The following ETV1 variants were observed in gnomAD, a reference collection of about 807,000 sequenced individuals.
ETV1 encodes the protein ETS variant transcription factor 1.
ETV1 carries 27 observed loss-of-function variants against 62.3 expected under a neutral mutation model. That is an observed-to-expected ratio of 0.43 (90% CI 0.32 to 0.60). The LOEUF is 0.60. Among genes scored for constraint, ETV1 ranks in the 20% least tolerant of loss-of-function variants. The pLI is 0.06. For missense variants in ETV1, 605 were observed against 605.8 expected, an observed-to-expected ratio of 1.00 and a Z score of 0.01; for synonymous variants, 222 against 199.6, an observed-to-expected ratio of 1.11 and a Z score of -0.94.
chr7:13,891,967 C>T lies in ETV1; in HGVS notation c.*3899G>A. On this transcript the variant is annotated 3_prime_UTR_variant, in exon 14 of 14. Coordinates refer to ENST00000430479, the MANE Select transcript of ETV1 (RefSeq NM_004956.5). ...CTCATTACAAGCTCTGAAAAGGCTGCATGATAGACAAAGTGGCTCATTTTA... is the reference window on the plus strand; with the variant it reads ...CTCATTACAAGCTCTGAAAAGGCTGTATGATAGACAAAGTGGCTCATTTTA... 4.3e-6 allele frequency: 1 copy of T among 231,666 alleles called. No individual in the cohort carries two copies. 14.4% of individuals were successfully genotyped at this position (231,666 alleles called of 1,614,324 possible). A position where few individuals can be genotyped will look rare whatever the true frequency, so the allele number is the denominator to read the frequency against.
chr7:13,988,384 T>C, intron 3 of ETV1: 3 of 577,986 alleles, frequency 5.2e-6, no homozygotes, highest in Non-Finnish European at 9.0e-6. Flanking sequence ...GCAGGGAGAG[T>C]TGCTTCCCAG....
intron 6 of ETV1, among the ~76,000 whole-genome samples, chr7:13,942,993 T>C (rs1439738701): frequency 6.6e-6 from 1 of 151,932 alleles, no homozygotes; most frequent in African/African-American, 2.4e-5. Context: ...TAGGCTTCAA[T>C]GAAATTAAGA....
intron 8 of ETV1, among the ~76,000 whole-genome samples, chr7:13,933,071 T>C (rs1384345878): frequency 1.3e-5 from 2 of 152,128 alleles, no homozygotes; most frequent in East Asian, 3.9e-4. Flanking sequence ...CTTATTTCAT[T>C]AGCCAAAAAA....
chr7:13,960,706 A>T (rs1490242777), intron 6 of ETV1, among the ~76,000 whole-genome samples: 1 of 152,134 alleles, frequency 6.6e-6, no homozygotes, highest in African/African-American at 2.4e-5. Context: ...CTCAGTGCCA[A>T]ATTCTCTGAT....
chr7:13,906,546 G>T lies in ETV1; in HGVS notation c.994C>A (p.Arg332=), dbSNP rs747202927. The change falls in exon 12 of 14, where the codon CGA becomes AGA. Residue 332 remains arginine, a synonymous_variant. Transcript: ENST00000430479. ...AACTGCCAGAGCTGAAGTGATCCTCGCCGTTGGTATGTGGGTCCTTCCCGA... is the reference window on the plus strand; with the variant it reads ...AACTGCCAGAGCTGAAGTGATCCTCTCCGTTGGTATGTGGGTCCTTCCCGA... ...MYREGPTYQR[R]GSLQLWQFLV... is the part of the protein sequence containing the mutation. The T allele has an allele frequency of 6.2e-7, 1 of 1,612,328 alleles. No individual in the cohort carries two copies. The highest frequency in any genetic ancestry group is 1.7e-5 in the Admixed American group (1 of 59,832).
At position 13,911,319 on chromosome 7, in the gene ETV1, A is replaced by G; in HGVS notation, c.803-12T>C. 6.2e-7 allele frequency: 1 copy of G among 1,601,744 alleles called. No homozygotes were observed. The highest frequency in any genetic ancestry group is 1.3e-5 in the African/African-American group (1 of 74,776). On this transcript the variant is annotated splice_polypyrimidine_tract_variant and intron_variant, in intron 9 of 13. Coordinates refer to ENST00000430479, the MANE Select transcript of ETV1 (RefSeq NM_004956.5). ...GCAGCTAGGCACTTCTGAAAGAGGA[A>G]ACAATATTGGTCAAAAAGAGTCTGG...
intron 6 of ETV1, among the ~76,000 whole-genome samples, chr7:13,948,368 C>T (rs531932310): frequency 2.6e-5 from 4 of 152,274 alleles, no homozygotes; most frequent in African/African-American, 9.6e-5. Context: ...GGAAGAGAAA[C>T]ACGTCATATT....
chr7:13,983,837 A>G (rs3801105), intron 5 of ETV1, among the ~76,000 whole-genome samples: 86,804 of 151,484 alleles, frequency 0.57, 25,212 homozygotes, highest in African/African-American at 0.63. Context: ...GAATGCAAGT[A>G]TATTTTTACA....
intron 9 of ETV1, among the ~76,000 whole-genome samples, chr7:13,919,842 T>C (rs1482679080): frequency 6.6e-6 from 1 of 151,926 alleles, no homozygotes; most frequent in African/African-American, 2.4e-5. Context: ...TGTTCCCTTC[T>C]TTTGTTCATA....
chr7:13,984,368 A>T (rs1030100187), intron 5 of ETV1, among the ~76,000 whole-genome samples: 2 of 151,974 alleles, frequency 1.3e-5, no homozygotes, highest in Non-Finnish European at 2.9e-5. Flanking sequence ...TCTCACTACA[A>T]ATAAACTAGG....
At position 13,977,573 on chromosome 7, in the gene ETV1, T is replaced by G. The variant is rs533351547; in HGVS notation, c.182-93A>C. ...TAAAATCTGTCAAGTAAGATCTTCT[T>G]GGGCTGAGATCAAACCTATGATTAT... On this transcript the variant is annotated intron_variant, in intron 5 of 13. Transcript: ENST00000430479. 38 of 831,508 alleles carry G rather than the reference T, an allele frequency of 4.6e-5. No individual in the cohort carries two copies. In the African/African-American group the frequency reaches 6.5e-4, roughly 14 times the overall value. The allele number at this position is 831,508 out of a possible 1,614,324, so 51.5% of individuals were successfully genotyped here.
intron 6 of ETV1, among the ~76,000 whole-genome samples, chr7:13,971,697 A>G (rs1044195433): frequency 6.6e-6 from 1 of 152,272 alleles, no homozygotes; most frequent in Non-Finnish European, 1.5e-5. Flanking sequence ...TATCATGTGA[A>G]TCACTACAGA....
intron 8 of ETV1, 57 bp downstream of exon 8, chr7:13,935,651 A>G: frequency 6.8e-7 from 1 of 1,480,744 alleles, no homozygotes; most frequent in Non-Finnish European, 9.4e-7. Flanking sequence ...TTGTTAATAG[A>G]AATTTTTTCC....
intron 6 of ETV1, among the ~76,000 whole-genome samples, chr7:13,943,155 G>C (rs1194456324): frequency 1.3e-5 from 2 of 152,078 alleles, no homozygotes; most frequent in East Asian, 3.9e-4. Context: ...TTAAAAAATG[G>C]GCAAAAAGTC....
intron 7 of ETV1, among the ~76,000 whole-genome samples, 172 bp downstream of exon 7, chr7:13,938,945 G>A (rs1344960479): frequency 6.6e-6 from 1 of 152,194 alleles, no homozygotes; most frequent in African/African-American, 2.4e-5. Flanking sequence ...AATCCAAAGT[G>A]TGTGATTGGA....
intron 6 of ETV1, among the ~76,000 whole-genome samples, chr7:13,962,964 T>C (rs1337443079): frequency 6.6e-6 from 1 of 152,162 alleles, no homozygotes; most frequent in African/African-American, 2.4e-5. Context: ...GGCAAATCAA[T>C]GAATAACAAC....
rs530478245 is a variant in ETV1 at position 13,989,378 on chromosome 7, G to A, written c.-198C>T. 1.2e-4 allele frequency: 60 copies of A among 483,674 alleles called. No individual in the cohort carries two copies. The highest frequency in any genetic ancestry group is 2.0e-4 in the Non-Finnish European group (54 of 276,698). 30.0% of individuals were successfully genotyped at this position (483,674 alleles called of 1,614,324 possible). On this transcript the variant is annotated 5_prime_UTR_variant, in exon 2 of 14. Transcript: ENST00000430479. Reference sequence around the variant, plus strand: ...TACACTCTCGATGTTTCCCTGCGCGGTCGGTGTACCCCGGGCAGCTCTGAT... The same window carrying A: ...TACACTCTCGATGTTTCCCTGCGCGATCGGTGTACCCCGGGCAGCTCTGAT...
chr7:13,989,640 T>TC lies in ETV1; in HGVS notation c.-363dup. The stretch of plus-strand genomic sequence containing the variant: ...AAAACATTAATTATAGCCCAGCACT[T>TC]CCCCCTTGGAAGCCGAAAGCGCCTC... On this transcript the variant is annotated 5_prime_UTR_variant, in exon 1 of 14. Coordinates refer to ENST00000430479, the MANE Select transcript of ETV1 (RefSeq NM_004956.5). 1 of 398,812 alleles carries TC rather than the reference T, an allele frequency of 2.5e-6. No homozygotes were observed. Among genetic ancestry groups the TC allele is most frequent in the Non-Finnish European group, 4.4e-6 (1 of 226,102 alleles). 24.7% of individuals were successfully genotyped at this position (398,812 alleles called of 1,614,324 possible).
At chr7:13,945,048 T>C (rs1787997453) in intron 6 of ETV1, among the ~76,000 whole-genome samples, 1 of 152,082 alleles carries the variant, frequency 6.6e-6, no homozygotes, top group Non-Finnish European at 1.5e-5. Flanking sequence ...TCATCTTGGA[T>C]TTCCAGCCTC....
Sources: allele counts gnomAD v4.1 joint callset (sites outside exome capture counted in the v4.1 genomes callset), GRCh38; gene constraint gnomAD v4.1.1; transcripts MANE v1.5; gene names NCBI Gene and HGNC (gene_info 2026-07-23, HGNC 2026-07-21).